The following GBE1 variants were observed in gnomAD, a reference collection of about 807,000 sequenced individuals.
GBE1 encodes 1,4-alpha-glucan branching enzyme 1.
Under a neutral mutation model 88.8 loss-of-function variants are expected in GBE1, and 70 were observed. The ratio of observed to expected loss-of-function variants is 0.79; its 90% confidence interval spans 0.65 to 0.96. The LOEUF is 0.96. GBE1 is among the 40% of genes least tolerant of loss of function. The pLI, the probability that GBE1 is intolerant of heterozygous loss-of-function variation, is 0.00. For missense variants in GBE1, 872 were observed against 871.0 expected, an observed-to-expected ratio of 1.00 and a Z score of -0.01; for synonymous variants, 284 against 300.1, an observed-to-expected ratio of 0.95 and a Z score of 0.56.
At chr3:81,506,508 G>A (rs2106820995) in intron 14 of GBE1, among the ~76,000 whole-genome samples, 1 of 152,222 alleles carries the variant, frequency 6.6e-6, no homozygotes, top group Non-Finnish European at 1.5e-5. Context: ...AAGACAGTGT[G>A]GTGATTACTC....
intron 15 of GBE1, among the ~76,000 whole-genome samples, chr3:81,495,313 T>C (rs1402798956): frequency 2.6e-5 from 4 of 152,052 alleles, no homozygotes; most frequent in Non-Finnish European, 5.9e-5. Flanking sequence ...TGCTTGAACC[T>C]GGGAGGCAGA....
At chr3:81,511,374 G>A (rs1388996362) in intron 14 of GBE1, among the ~76,000 whole-genome samples, 2 of 152,006 alleles carry the variant, frequency 1.3e-5, no homozygotes, top group Non-Finnish European at 2.9e-5. Flanking sequence ...ACAATCAACA[G>A]AGTAAACAGA....
intron 7 of GBE1, among the ~76,000 whole-genome samples, chr3:81,632,552 A>C (rs1165556038): frequency 2.0e-5 from 3 of 152,134 alleles, no homozygotes; most frequent in Non-Finnish European, 4.4e-5. Flanking sequence ...AAAAGCCAGG[A>C]AACAACAGAT....
chr3:81,681,699 G>A (rs1705345003), intron 2 of GBE1, among the ~76,000 whole-genome samples: 1 of 152,138 alleles, frequency 6.6e-6, no homozygotes, highest in African/African-American at 2.4e-5. Flanking sequence ...GGAAAGAATA[G>A]TCTTTAAAAC....
At chr3:81,571,652 G>T (rs771510011) in intron 12 of GBE1, among the ~76,000 whole-genome samples, 4 of 152,114 alleles carry the variant, frequency 2.6e-5, no homozygotes, top group African/African-American at 7.2e-5. Flanking sequence ...GACAACTGAT[G>T]AAAGTAAAGC....
At chr3:81,569,009 TA>T (rs1703535357) in intron 12 of GBE1, among the ~76,000 whole-genome samples, 2 of 152,102 alleles carry the variant, frequency 1.3e-5, no homozygotes, top group Non-Finnish European at 2.9e-5. Context: ...ATTGACATTT[TA>T]AAGATCTAAA....
At chr3:81,693,489 G>A (rs1015309034) in intron 2 of GBE1, among the ~76,000 whole-genome samples, 1 of 151,852 alleles carries the variant, frequency 6.6e-6, no homozygotes, top group African/African-American at 2.4e-5. Context: ...ATAAGCTCAG[G>A]CAATGACTGC....
rs546767632 is a variant in GBE1, at chr3:81,761,620, G to A, written c.-103C>T. 7.1e-7 allele frequency: 1 copy of A among 1,414,108 alleles called. No individual in the cohort carries two copies. The highest frequency in any genetic ancestry group is 1.5e-5 in the African/African-American group (1 of 68,548). 87.6% of individuals were successfully genotyped at this position (1,414,108 alleles called of 1,614,324 possible). ...GCGGCGGCTAGGGCGGAGCCGGAGG[G>A]CGCCTAGGCGTGTCGAGGCAAGCCG... On this transcript the variant is annotated 5_prime_UTR_variant, in exon 1 of 16. Coordinates refer to ENST00000429644, the MANE Select transcript of GBE1 (RefSeq NM_000158.4).
At chr3:81,630,753 G>A (rs1308578276) in intron 7 of GBE1, among the ~76,000 whole-genome samples, 1 of 152,122 alleles carries the variant, frequency 6.6e-6, no homozygotes, top group African/African-American at 2.4e-5. Flanking sequence ...TTTCTCAACT[G>A]ATTTTTACAT....
At chr3:81,741,819 A>T (rs13340130) in intron 1 of GBE1, among the ~76,000 whole-genome samples, 56,981 of 147,586 alleles carry the variant, frequency 0.39, 11,374 homozygotes, top group East Asian at 0.51. Flanking sequence ...AATATAGAGT[A>T]TTATACATAT....
chr3:81,646,073 G>A (rs1283102206), intron 6 of GBE1, among the ~76,000 whole-genome samples: 1 of 152,164 alleles, frequency 6.6e-6, no homozygotes, highest in Non-Finnish European at 1.5e-5. Context: ...AGAAAACGAT[G>A]TGCTCTCTCA....
At chr3:81,617,465 AC>A (rs1210334994) in intron 7 of GBE1, among the ~76,000 whole-genome samples, 3 of 152,000 alleles carry the variant, frequency 2.0e-5, no homozygotes, top group African/African-American at 7.2e-5. Flanking sequence ...TTGGCAAAAT[AC>A]TTTTTCTTCA....
chr3:81,737,842 G>A (rs1011162977), intron 1 of GBE1, among the ~76,000 whole-genome samples: 9 of 152,064 alleles, frequency 5.9e-5, no homozygotes, highest in South Asian at 4.2e-4. Context: ...ATGCTGGTGC[G>A]CTGCACCCAC....
chr3:81,724,179 G>C (rs1706076886), intron 1 of GBE1, among the ~76,000 whole-genome samples: 1 of 152,096 alleles, frequency 6.6e-6, no homozygotes, highest in African/African-American at 2.4e-5. Context: ...GGCTATAATT[G>C]AGAAAAGCCC....
At chr3:81,503,474 G>A (rs1702615949) in intron 14 of GBE1, among the ~76,000 whole-genome samples, 1 of 152,128 alleles carries the variant, frequency 6.6e-6, no homozygotes, top group Non-Finnish European at 1.5e-5. Context: ...AAAACAGACG[G>A]CGGAAAGACT....
At chr3:81,716,482 G>A (rs1705939171) in intron 1 of GBE1, among the ~76,000 whole-genome samples, 1 of 152,030 alleles carries the variant, frequency 6.6e-6, no homozygotes, top group Admixed American at 6.6e-5. Flanking sequence ...ATCTTTCTAG[G>A]TCTAAATCCT....
Position 81,594,032 on chromosome 3 carries a change from T to C in GBE1, c.993-9A>G, listed in dbSNP as rs2106957192. On this transcript the variant is annotated splice_polypyrimidine_tract_variant and intron_variant, in intron 7 of 15. Coordinates refer to ENST00000429644, the MANE Select transcript of GBE1 (RefSeq NM_000158.4). ...ATCTTAAAATTTCCCAGCTAAAATA[T>C]AAGAGAAATATGTATTTAAGCAAAA... 7.6e-7 allele frequency: 1 copy of C among 1,309,388 alleles called. No individual in the cohort carries two copies. The highest frequency in any genetic ancestry group is 1.1e-6 in the Non-Finnish European group (1 of 927,006). 81.1% of individuals were successfully genotyped at this position (1,309,388 alleles called of 1,614,324 possible).
intron 12 of GBE1, among the ~76,000 whole-genome samples, chr3:81,546,131 G>A (rs1576142640): frequency 6.6e-6 from 1 of 151,888 alleles, no homozygotes; most frequent in Non-Finnish European, 1.5e-5. Context: ...ACATGGTTCA[G>A]TACAACATGA....
intron 14 of GBE1, among the ~76,000 whole-genome samples, chr3:81,517,792 T>C (rs1702818042): frequency 6.6e-6 from 1 of 151,416 alleles, no homozygotes; most frequent in South Asian, 2.1e-4. Flanking sequence ...TATTTGTCTT[T>C]TAATTACATA....
Sources: gnomAD v4.1 joint callset for allele counts (sites outside exome capture counted in the v4.1 genomes callset) on GRCh38, gnomAD v4.1.1 for gene constraint, MANE v1.5 for transcripts, NCBI Gene and HGNC (gene_info 2026-07-23, HGNC 2026-07-21) for gene names.